The following UTS2B variants were observed in gnomAD, a reference collection of about 807,000 sequenced individuals.
The protein encoded by UTS2B is urotensin 2B.
In UTS2B, 21 loss-of-function variants were observed where a neutral mutation model predicts 19.2. That is an observed-to-expected ratio of 1.09 (90% CI 0.78 to 1.58). UTS2B has a LOEUF of 1.58. UTS2B is among the 40% of genes most tolerant of loss of function. UTS2B has a pLI of 0.00. For missense variants in UTS2B, 138 were observed against 130.3 expected, an observed-to-expected ratio of 1.06 and a Z score of -0.29; for synonymous variants, 57 against 50.2, an observed-to-expected ratio of 1.14 and a Z score of -0.58.
intron 4 of UTS2B, among the ~76,000 whole-genome samples, chr3:191,283,040 C>T (rs1467311483): frequency 1.3e-5 from 2 of 151,992 alleles, no homozygotes; most frequent in African/African-American, 4.8e-5. Context: ...TTTACTTGTC[C>T]CAAAAGACTT....
upstream of UTS2B, among the ~76,000 whole-genome samples, chr3:191,331,781 C>T (rs1455865321): frequency 6.6e-6 from 1 of 152,184 alleles, no homozygotes; most frequent in Non-Finnish European, 1.5e-5. Context: ...GGCCCAGTTA[C>T]TCCCTAACAG....
chr3:191,330,711 C>A (rs1405240486), upstream of UTS2B, among the ~76,000 whole-genome samples: 1 of 152,172 alleles, frequency 6.6e-6, no homozygotes, highest in East Asian at 1.9e-4. Context: ...TTTTTGCTTT[C>A]TTGGAACCGC....
At chr3:191,272,827 C>A (rs1024204075) in intron 8 of UTS2B, among the ~76,000 whole-genome samples, 1 of 146,946 alleles carries the variant, frequency 6.8e-6, no homozygotes, top group Non-Finnish European at 1.5e-5. Flanking sequence ...CGTGCCATTG[C>A]ACTCCAGCCT....
chr3:191,268,401 T>A lies in UTS2B; in HGVS notation c.*15A>T. ...CCTGATATTCTTATCTTTTTTTGCATCCAGAGAAAAAGCTTTAAACACAGT... is the reference window on the plus strand; with the variant it reads ...CCTGATATTCTTATCTTTTTTTGCAACCAGAGAAAAAGCTTTAAACACAGT... On this transcript the variant is annotated 3_prime_UTR_variant, in exon 9 of 9. Transcript: ENST00000340524. 1 of 1,556,336 alleles carries A rather than the reference T, an allele frequency of 6.4e-7. No individual in the cohort carries two copies. Among genetic ancestry groups the A allele is most frequent in the Non-Finnish European group, 8.8e-7 (1 of 1,138,098 alleles).
At chr3:191,292,468 AT>A (rs905171901) in intron 4 of UTS2B, among the ~76,000 whole-genome samples, 3 of 152,074 alleles carry the variant, frequency 2.0e-5, no homozygotes, top group African/African-American at 7.2e-5. Context: ...GTATTGATTG[AT>A]TTTGTATAAT....
At chr3:191,281,289 C>G (rs974040184) in intron 5 of UTS2B, among the ~76,000 whole-genome samples, 1 of 152,110 alleles carries the variant, frequency 6.6e-6, no homozygotes, top group Non-Finnish European at 1.5e-5. Flanking sequence ...TATTAGAGAA[C>G]ATTACTTTAA....
chr3:191,307,428 A>AT (rs1717169261), intron 3 of UTS2B, among the ~76,000 whole-genome samples: 1 of 152,246 alleles, frequency 6.6e-6, no homozygotes, highest in African/African-American at 2.4e-5. Context: ...ACAAAGAAGC[A>AT]TAAGAGGAAA....
chr3:191,302,616 T>C (rs1717033781), intron 4 of UTS2B, among the ~76,000 whole-genome samples: 8 of 152,238 alleles, frequency 5.3e-5, no homozygotes, highest in Admixed American at 5.2e-4. Flanking sequence ...TATGATTGTT[T>C]AGCTGAGCTG....
At chr3:191,330,604 C>T (rs1186029162), upstream of UTS2B, 1 of 152,176 alleles carries the variant, frequency 6.6e-6, no homozygotes, top group Non-Finnish European at 1.5e-5. Context: ...CCCCTAAGTT[C>T]CAAGGGCTTT....
At chr3:191,325,471 A>G (rs957016230) in intron 2 of UTS2B, among the ~76,000 whole-genome samples, 1 of 152,206 alleles carries the variant, frequency 6.6e-6, no homozygotes, top group Non-Finnish European at 1.5e-5. Context: ...GGGAAAGGGA[A>G]TAGTTACAAA....
chr3:191,291,653 C>T (rs1232460379), intron 4 of UTS2B, among the ~76,000 whole-genome samples: 1 of 152,080 alleles, frequency 6.6e-6, no homozygotes, highest in African/African-American at 2.4e-5. Context: ...AAGGTTTCAC[C>T]ACGTTCACCA....
At chr3:191,275,106 A>G in intron 8 of UTS2B, 146 bp downstream of exon 8, 1 of 549,688 alleles carries the variant, frequency 1.8e-6, no homozygotes, top group Non-Finnish European at 3.2e-6. Context: ...TAACACTTTT[A>G]TTGGAATATA....
At chr3:191,291,902 A>G (rs79351332) in intron 4 of UTS2B, among the ~76,000 whole-genome samples, 18 of 152,132 alleles carry the variant, frequency 1.2e-4, no homozygotes, top group South Asian at 1.0e-3. Flanking sequence ...GTAGCTTGTC[A>G]TAGATGTATG....
At chr3:191,300,164 C>G (rs2108593230) in intron 4 of UTS2B, among the ~76,000 whole-genome samples, 1 of 152,326 alleles carries the variant, frequency 6.6e-6, no homozygotes, top group African/African-American at 2.4e-5. Context: ...ATTCTCCCAG[C>G]TCAGCCTCCC....
At chr3:191,317,565 T>TC (rs1717498489) in intron 2 of UTS2B, among the ~76,000 whole-genome samples, 1 of 124,526 alleles carries the variant, frequency 8.0e-6, no homozygotes, top group Non-Finnish European at 1.7e-5. Context: ...ATTAGGATAG[T>TC]CTTTGTTGTT....
At chr3:191,289,823 A>AAAGACAC (rs1716665171) in intron 4 of UTS2B, among the ~76,000 whole-genome samples, 1 of 152,222 alleles carries the variant, frequency 6.6e-6, no homozygotes. Context: ...GAGATGTTTA[A>AAAGACAC]AAGACACAAA....
chr3:191,288,930 G>A (rs75404432), intron 4 of UTS2B, among the ~76,000 whole-genome samples: 1 of 136,290 alleles, frequency 7.3e-6, no homozygotes, highest in Non-Finnish European at 1.7e-5. Context: ...AAAAACAAAC[G>A]AGATTACATC....
rs1350322476 is a variant in UTS2B, at chr3:191,329,526, C to T, written c.-664-817G>A. The T allele has an allele frequency of 4.9e-5, 34 of 699,030 alleles. No homozygotes were observed. In the South Asian group the frequency reaches 5.4e-4, roughly 11 times the overall value. The allele number at this position is 699,030 out of a possible 1,614,324, so 43.3% of individuals were successfully genotyped here. On this transcript the variant is annotated intron_variant, in intron 1 of 8. Transcript: ENST00000340524. The stretch of plus-strand genomic sequence containing the variant: ...GCTGCTTTGGTCACCAGCCCCTGCC[C>T]GCCCGACCCGCTCCGTTCTCCGGCC...
chr3:191,337,933 C>A, the UTS2B span, among the ~76,000 whole-genome samples: 27 of 151,902 alleles, frequency 1.8e-4, no homozygotes, highest in Non-Finnish European at 3.4e-4. Context: ...TCAGAGGTAC[C>A]TAGGCTAATT....
Sources: gnomAD v4.1 joint callset for allele counts (sites outside exome capture counted in the v4.1 genomes callset) on GRCh38, gnomAD v4.1.1 for gene constraint, MANE v1.5 for transcripts, NCBI Gene and HGNC (gene_info 2026-07-23, HGNC 2026-07-21) for gene names.